ADARB1: variants seen among roughly 807,000 people sequenced by gnomAD.
The protein encoded by ADARB1 is double-stranded RNA-specific editase 1.
A neutral mutation model predicts 52.4 loss-of-function variants in ADARB1; 10 were observed. The ratio of observed to expected loss-of-function variants is 0.19; its 90% CI spans 0.12 to 0.32. ADARB1 has a LOEUF of 0.32. Ranked by LOEUF, ADARB1 falls within the 10% of genes least tolerant of loss-of-function variation. The pLI, the probability that ADARB1 is intolerant of heterozygous loss-of-function variation, is 1.00. For missense variants in ADARB1, 643 were observed against 922.3 expected, an observed-to-expected ratio of 0.70 and a Z score of 3.92; for synonymous variants, 349 against 371.1, an observed-to-expected ratio of 0.94 and a Z score of 0.68.
chr21:45,172,269 T>C lies in ADARB1; in HGVS notation c.28+585T>C, dbSNP rs928704052. On this transcript the variant is annotated intron_variant, in intron 3 of 10. Transcript: ENST00000348831. The surrounding 1 kb of genome is among the most constrained non-coding windows in gnomAD (Gnocchi z 4.4). ...GGGTACGTTGGTGTTTCGGTGAAGGTACTTATCTCTTCTAGTTCATCTTCA... is the reference window on the plus strand; with the variant it reads ...GGGTACGTTGGTGTTTCGGTGAAGGCACTTATCTCTTCTAGTTCATCTTCA... 2.0e-5 allele frequency among the ~76,000 whole-genome samples: 3 copies of C among 152,126 alleles called. No individual in the cohort carries two copies. The highest frequency in any genetic ancestry group is 7.2e-5 in the African/African-American group (3 of 41,420).
chr21:45,108,146 T>C (rs1417389893), intron 1 of ADARB1, among the ~76,000 whole-genome samples: 2 of 152,122 alleles, frequency 1.3e-5, no homozygotes, highest in Non-Finnish European at 2.9e-5. Flanking sequence ...GTGAAAACCT[T>C]TGTAGCATAT....
intron 1 of ADARB1, among the ~76,000 whole-genome samples, chr21:45,085,953 A>G (rs2086325196): frequency 6.6e-6 from 1 of 152,222 alleles, no homozygotes; most frequent in Admixed American, 6.5e-5. Context: ...TGTGTGGCAC[A>G]GGCAAGAAGT....
chr21:45,212,828 A>G (rs145513629), intron 9 of ADARB1, among the ~76,000 whole-genome samples: 181 of 152,352 alleles, frequency 1.2e-3, no homozygotes, highest in African/African-American at 4.3e-3. Flanking sequence ...AAAGATCTAT[A>G]TGAGAAAACA....
chr21:45,192,023 AT>A (rs2092315009), intron 8 of ADARB1, among the ~76,000 whole-genome samples: 1 of 151,454 alleles, frequency 6.6e-6, no homozygotes, highest in South Asian at 2.1e-4. Context: ...TCTAGAACAA[AT>A]TTTTAGCCTT....
At chr21:45,120,085 A>T (rs1012382657) in intron 1 of ADARB1, among the ~76,000 whole-genome samples, 1 of 152,208 alleles carries the variant, frequency 6.6e-6, no homozygotes, top group Non-Finnish European at 1.5e-5. Flanking sequence ...ATAAATCTTA[A>T]ATTTTAGTGC....
chr21:45,186,910 A>G (rs368988704), intron 8 of ADARB1, among the ~76,000 whole-genome samples: 2 of 152,186 alleles, frequency 1.3e-5, no homozygotes, highest in African/African-American at 4.8e-5. Context: ...TGCCAGTGTC[A>G]TGCTGTTTTG....
chr21:45,090,915 G>A lies in ADARB1; in HGVS notation c.-220+16122G>A, dbSNP rs554556501. Reference sequence around the variant, plus strand: ...GTAATGATTTTTATTGAAAAATTGAGCATCTGATTATTATTGTGGCACTGG... The same window carrying A: ...GTAATGATTTTTATTGAAAAATTGAACATCTGATTATTATTGTGGCACTGG... On this transcript the variant is annotated intron_variant, in intron 1 of 10. Coordinates refer to ENST00000348831, the MANE Select transcript of ADARB1 (RefSeq NM_001112.4). Among the ~76,000 whole-genome samples the A allele has an allele frequency of 1.8e-3, 262 of 144,036 alleles. 2 individuals carry two copies. The highest frequency in any genetic ancestry group is 6.6e-3 in the African/African-American group (256 of 38,536). The allele number at this position is 144,036 out of a possible 152,430, so 94.5% of individuals were successfully genotyped here. A position where few individuals can be genotyped will look rare whatever the true frequency, so the allele number is the denominator to read the frequency against.
chr21:45,087,656 T>C (rs1370322985), intron 1 of ADARB1, among the ~76,000 whole-genome samples: 1 of 152,078 alleles, frequency 6.6e-6, no homozygotes, highest in Non-Finnish European at 1.5e-5. Context: ...CCTTTTAGTG[T>C]GGCCCAGCTC....
At chr21:45,111,658 T>A (rs2087541391) in intron 1 of ADARB1, among the ~76,000 whole-genome samples, 1 of 152,262 alleles carries the variant, frequency 6.6e-6, no homozygotes, top group Non-Finnish European at 1.5e-5. Flanking sequence ...TTGTGTGTTT[T>A]CTTTTGTTCA....
rs1569187477 is a variant in ADARB1, at chr21:45,220,685, A to G, written c.1748-151A>G. The stretch of plus-strand genomic sequence containing the variant: ...GTGAGGCCACTGCCACGGCAGATGC[A>G]CGCTCAAGTCTGCGTATATTCCTCG... On this transcript the variant is annotated intron_variant, in intron 9 of 10. Coordinates refer to ENST00000348831, the MANE Select transcript of ADARB1 (RefSeq NM_001112.4). The surrounding 1 kb of genome is among the most constrained non-coding windows in gnomAD (Gnocchi z 6.3). 4 of 784,648 alleles carry G rather than the reference A, an allele frequency of 5.1e-6. No homozygotes were observed. Among genetic ancestry groups the G allele is most frequent in the Middle Eastern group, 3.3e-4 (1 of 2,996 alleles). 48.6% of individuals were successfully genotyped at this position (784,648 alleles called of 1,614,324 possible).
At chr21:45,136,162 T>C (rs939023518) in intron 2 of ADARB1, among the ~76,000 whole-genome samples, 12 of 152,100 alleles carry the variant, frequency 7.9e-5, no homozygotes, top group Admixed American at 3.9e-4. Flanking sequence ...GGCCAGCTGC[T>C]GTGAGGACTC....
At chr21:45,125,169 A>C (rs1408725927) in intron 1 of ADARB1, among the ~76,000 whole-genome samples, 1 of 152,208 alleles carries the variant, frequency 6.6e-6, no homozygotes, top group Admixed American at 6.5e-5. Flanking sequence ...AAAGTTTATA[A>C]AGCCTCTTAC....
At position 45,149,165 on chromosome 21, in the gene ADARB1, G is replaced by A. The variant is rs1054027780; in HGVS notation, c.-48+20592G>A. Among the ~76,000 whole-genome samples, 5 of 152,348 alleles carry A rather than the reference G, an allele frequency of 3.3e-5. No individual in the cohort carries two copies. In the South Asian group the frequency reaches 8.3e-4, roughly 25 times the overall value. ...GCATCAGCCTCTGCTGGCTCCTGAT[G>A]TGGCCTCTGTTCCTGTCTTAGGCCC... On this transcript the variant is annotated intron_variant, in intron 2 of 10. Transcript: ENST00000348831.
chr21:45,096,433 G>A (rs936023829), intron 1 of ADARB1, among the ~76,000 whole-genome samples: 60 of 152,354 alleles, frequency 3.9e-4, no homozygotes, highest in African/African-American at 1.4e-3. Context: ...CTTCCTGCAG[G>A]TCTGGGCTGG....
intron 1 of ADARB1, among the ~76,000 whole-genome samples, chr21:45,109,741 A>C (rs2087449582): frequency 6.6e-6 from 1 of 152,218 alleles, no homozygotes; most frequent in African/African-American, 2.4e-5. Context: ...ATTAAAACCA[A>C]CGTCTTGATG....
chr21:45,103,160 A>G (rs188632112), intron 1 of ADARB1, among the ~76,000 whole-genome samples: 153 of 152,270 alleles, frequency 1.0e-3, no homozygotes, highest in Non-Finnish European at 1.0e-3. Context: ...TGACATCTCA[A>G]TGTCACGTGG....
At chr21:45,197,992 G>A (rs1326701414) in intron 8 of ADARB1, among the ~76,000 whole-genome samples, 4 of 152,144 alleles carry the variant, frequency 2.6e-5, no homozygotes, top group Admixed American at 6.5e-5. Flanking sequence ...TTACCACAGT[G>A]TCCCTTTAAG....
chr21:45,148,917 G>A (rs543106654), intron 2 of ADARB1, among the ~76,000 whole-genome samples: 2 of 152,308 alleles, frequency 1.3e-5, no homozygotes, highest in Admixed American at 6.5e-5. Flanking sequence ...GGCTGTGACT[G>A]TCTCCTTTTC....
intron 2 of ADARB1, chr21:45,144,631 G>A (rs778732093): frequency 8.8e-6 from 4 of 453,526 alleles, no homozygotes; most frequent in African/African-American, 6.0e-5. Context: ...AATCCTAAAG[G>A]TGGAAGAAAG....
Sources: allele counts gnomAD v4.1 joint callset (sites outside exome capture counted in the v4.1 genomes callset), GRCh38; gene constraint gnomAD v4.1.1; non-coding constraint Gnocchi (gnomAD v3.1); transcripts MANE v1.5; gene names NCBI Gene and HGNC (gene_info 2026-07-23, HGNC 2026-07-21).